The following LIMD1 variants were observed in gnomAD, a reference collection of about 807,000 sequenced individuals.
LIMD1 encodes the protein LIM domain containing 1.
In LIMD1, 23 loss-of-function variants were observed where a neutral mutation model predicts 58.4. That is an observed-to-expected ratio of 0.39 (90% CI 0.28 to 0.56). The LOEUF is 0.56. LIMD1 is among the 20% of genes least tolerant of loss of function. The pLI is 0.57. For missense variants in LIMD1, 838 were observed against 855.5 expected (o/e 0.98, Z 0.25); for synonymous variants, 334 against 345.5 (o/e 0.97, Z 0.37).
intron 2 of LIMD1, among the ~76,000 whole-genome samples, chr3:45,650,605 GTGATAGTTTGCTGAGAA>G (rs1054129802): frequency 2.7e-5 from 4 of 150,072 alleles, no homozygotes; most frequent in African/African-American, 9.8e-5. Flanking sequence ...TTCTGTCCTT[GTGATAGTTTGCTGAGAA>G]TGATGGTTTC....
At chr3:45,619,889 A>G (rs1701614595) in intron 1 of LIMD1, among the ~76,000 whole-genome samples, 1 of 142,854 alleles carries the variant, frequency 7.0e-6, no homozygotes. Context: ...GGCAACCCTA[A>G]ATTAAGCTGA....
intron 1 of LIMD1, among the ~76,000 whole-genome samples, chr3:45,624,777 GGTC>G (rs1202099002): frequency 2.0e-5 from 3 of 152,038 alleles, no homozygotes; most frequent in Non-Finnish European, 4.4e-5. Context: ...ATGCTGACTT[GGTC>G]GTCACCCTGG....
At chr3:45,615,242 A>G (rs1701565522) in intron 1 of LIMD1, among the ~76,000 whole-genome samples, 1 of 152,224 alleles carries the variant, frequency 6.6e-6, no homozygotes, top group Admixed American at 6.5e-5. Context: ...GCTAAAGGAA[A>G]GTAAGCCTTA....
At chr3:45,638,273 C>G (rs940293277) in intron 2 of LIMD1, among the ~76,000 whole-genome samples, 3 of 151,924 alleles carry the variant, frequency 2.0e-5, no homozygotes, top group African/African-American at 2.4e-5. Context: ...TTTAGGCCCC[C>G]CTTTATTTAT....
At chr3:45,621,849 A>G (rs4282100) in intron 1 of LIMD1, among the ~76,000 whole-genome samples, 152,235 of 152,236 alleles carry the variant, frequency 1, 76,117 homozygotes, top group Non-Finnish European at 1. Flanking sequence ...TGGATCAAAA[A>G]GTCAGGAGAT....
At chr3:45,601,445 C>T (rs1701410350) in intron 1 of LIMD1, among the ~76,000 whole-genome samples, 1 of 152,220 alleles carries the variant, frequency 6.6e-6, no homozygotes, top group African/African-American at 2.4e-5. Flanking sequence ...AACCTGCCTG[C>T]CGCACCCCAG....
intron 2 of LIMD1, among the ~76,000 whole-genome samples, chr3:45,656,375 C>G (rs920673308): frequency 6.6e-6 from 1 of 150,912 alleles, no homozygotes; most frequent in Non-Finnish European, 1.5e-5. Context: ...CAAGAGAGAC[C>G]TGGGTTCGAA....
chr3:45,637,803 G>A (rs1225992505), intron 2 of LIMD1, among the ~76,000 whole-genome samples: 1 of 152,250 alleles, frequency 6.6e-6, no homozygotes, highest in Non-Finnish European at 1.5e-5. Context: ...CCAGGCCTGA[G>A]TTCTGAACCT....
At chr3:45,652,069 G>T (rs573966331) in intron 2 of LIMD1, among the ~76,000 whole-genome samples, 1 of 152,092 alleles carries the variant, frequency 6.6e-6, no homozygotes, top group Admixed American at 6.6e-5. Context: ...TGGGATTACA[G>T]GCATGAGCCA....
chr3:45,669,033 G>A (rs921027880), intron 4 of LIMD1, among the ~76,000 whole-genome samples: 1 of 152,150 alleles, frequency 6.6e-6, no homozygotes, highest in Non-Finnish European at 1.5e-5. Flanking sequence ...GAGGAGCAAA[G>A]TTGTTTTTCT....
chr3:45,630,630 G>A (rs183567056), intron 1 of LIMD1, among the ~76,000 whole-genome samples: 3 of 152,138 alleles, frequency 2.0e-5, no homozygotes, highest in Admixed American at 2.0e-4. Flanking sequence ...GGTAGTAGGA[G>A]ACTGGGGGCA....
chr3:45,677,083 G>C lies in LIMD1; in HGVS notation c.*24G>C, dbSNP rs374606400. 1 of 1,606,786 alleles carries C rather than the reference G, an allele frequency of 6.2e-7. No individual in the cohort carries two copies. Among genetic ancestry groups the C allele is most frequent in the Non-Finnish European group, 8.5e-7 (1 of 1,175,944 alleles). ...AGCCAGAGCCACTTGCAGACATCACGGCAGGGGATGAGGAGCCGGGGTTGC... is the reference window on the plus strand; with the variant it reads ...AGCCAGAGCCACTTGCAGACATCACCGCAGGGGATGAGGAGCCGGGGTTGC... On this transcript the variant is annotated 3_prime_UTR_variant, in exon 8 of 8. Transcript: ENST00000273317.
Position 45,629,327 on chromosome 3 carries a change from C to T in LIMD1, c.1409-6823C>T, listed in dbSNP as rs542329114. ...ACTCAGGAGACTGAGGCAGGAGAAT[C>T]GCTTGAACCCAGGAGGCAGAGGTTG... is the stretch of plus-strand genomic sequence containing the variant. On this transcript the variant is annotated intron_variant, in intron 1 of 7. Transcript: ENST00000273317. Among the ~76,000 whole-genome samples, 5 of 149,866 alleles carry T rather than the reference C, an allele frequency of 3.3e-5. No homozygotes were observed. The South Asian group carries it at 6.4e-4, about 19-fold the overall frequency.
chr3:45,609,726 G>T (rs1481066856), intron 1 of LIMD1, among the ~76,000 whole-genome samples: 1 of 152,204 alleles, frequency 6.6e-6, no homozygotes, highest in Non-Finnish European at 1.5e-5. Flanking sequence ...TACCTACTAT[G>T]TGCAAGAGAC....
At chr3:45,632,071 C>T (rs1358522552) in intron 1 of LIMD1, among the ~76,000 whole-genome samples, 1 of 152,174 alleles carries the variant, frequency 6.6e-6, no homozygotes, top group African/African-American at 2.4e-5. Context: ...AAAGAGGCCA[C>T]AGCATTTGGG....
intron 2 of LIMD1, among the ~76,000 whole-genome samples, chr3:45,651,216 G>C (rs1020180667): frequency 3.9e-5 from 6 of 152,140 alleles, no homozygotes; most frequent in African/African-American, 1.4e-4. Flanking sequence ...TAAGTCCTTT[G>C]TAGATTCTGG....
Position 45,672,779 on chromosome 3 carries a change from G to A in LIMD1, c.1731G>A (p.Val577=). The A allele has an allele frequency of 6.2e-7, 1 of 1,614,018 alleles. No homozygotes were observed. Among genetic ancestry groups the A allele is most frequent in the African/African-American group, 1.3e-5 (1 of 75,008 alleles). ...GTTTGGATGGGGTGCCCTTCACCGTGGACTCAGAGAACAAGATCTACTGTG... is the reference window on the plus strand; with the variant it reads ...GTTTGGATGGGGTGCCCTTCACCGTAGACTCAGAGAACAAGATCTACTGTG... The part of the protein sequence containing the change: ...NECLDGVPFT[V]DSENKIYCVR... Residue 577 remains valine, a synonymous_variant, in exon 5 of 8, where the codon GTG becomes GTA. Coordinates refer to ENST00000273317, the MANE Select transcript of LIMD1 (RefSeq NM_014240.3).
At chr3:45,628,866 G>T (rs1465368692) in intron 1 of LIMD1, among the ~76,000 whole-genome samples, 2 of 152,210 alleles carry the variant, frequency 1.3e-5, no homozygotes, top group African/African-American at 4.8e-5. Context: ...CAGCATGCGT[G>T]AATCTCAATT....
chr3:45,652,157 C>G (rs1013782436), intron 2 of LIMD1, among the ~76,000 whole-genome samples: 2 of 151,864 alleles, frequency 1.3e-5, no homozygotes, highest in African/African-American at 4.8e-5. Context: ...AAACTCCTGT[C>G]CTCAAGTGAT....
Sources: gnomAD v4.1 joint callset for allele counts (sites outside exome capture counted in the v4.1 genomes callset) on GRCh38, gnomAD v4.1.1 for gene constraint, MANE v1.5 for transcripts, NCBI Gene and HGNC (gene_info 2026-07-23, HGNC 2026-07-21) for gene names.